Variants in KLF8 observed in about 807,000 individuals in gnomAD.
KLF8 encodes KLF transcription factor 8.
KLF8 carries 10 observed loss-of-function variants against 18.2 expected under a neutral mutation model. That is an observed-to-expected ratio of 0.55 (90% CI 0.34 to 0.93). KLF8 has a LOEUF of 0.93. KLF8 is among the 40% of genes least tolerant of loss of function. The probability of loss-of-function intolerance (pLI) is 0.02; values close to 1 mark genes in which losing one functional copy is unlikely to be tolerated. For synonymous variants in KLF8, 109 were observed against 97.3 expected (o/e 1.12, Z -0.71); for missense variants, 264 against 277.9 (o/e 0.95, Z 0.36).
At chrX:55,918,775 A>G in the KLF8 span, among the ~76,000 whole-genome samples, 5 of 110,660 alleles carry the variant, frequency 4.5e-5, no homozygotes, top group East Asian at 1.1e-3. Context: ...TTCACTTGTC[A>G]CTTTCCTCTT....
the KLF8 span, among the ~76,000 whole-genome samples, chrX:56,085,356 G>A: frequency 8.9e-6 from 1 of 112,160 alleles, no homozygotes; most frequent in African/African-American, 3.2e-5. Flanking sequence ...AGAAAATCCA[G>A]CAGTGTAGTT....
chrX:56,077,083 T>C, the KLF8 span, among the ~76,000 whole-genome samples: 1 of 111,680 alleles, frequency 9.0e-6, no homozygotes, highest in African/African-American at 3.3e-5. Flanking sequence ...TTCTCCCATT[T>C]TGTAGGTTGC....
At chrX:56,041,475 AT>A in the KLF8 span, among the ~76,000 whole-genome samples, 99 of 93,956 alleles carry the variant, frequency 1.1e-3, 2 homozygotes, top group Admixed American at 2.1e-3. Context: ...CAGTCTATCT[AT>A]TTTTTTTTTT....
chrX:55,950,021 G>C, the KLF8 span, among the ~76,000 whole-genome samples: 1 of 111,123 alleles, frequency 9.0e-6, no homozygotes, highest in Non-Finnish European at 1.9e-5. Context: ...CTCCAAACTG[G>C]AGTATTAAAG....
intron 5 of KLF8, among the ~76,000 whole-genome samples, chrX:56,272,908 G>A (rs2067075275): frequency 9.0e-6 from 1 of 111,081 alleles, no homozygotes; most frequent in Non-Finnish European, 1.9e-5. Flanking sequence ...AGGCCCTACA[G>A]GATCTTGCCT....
the KLF8 span, among the ~76,000 whole-genome samples, chrX:55,993,910 GTT>G: frequency 1.1e-3 from 103 of 90,006 alleles, 1 homozygote; most frequent in Middle Eastern, 5.3e-3. Flanking sequence ...GTTTATAGAG[GTT>G]TTTTTTTTTT....
At chrX:56,022,998 C>A in the KLF8 span, among the ~76,000 whole-genome samples, 319 of 111,366 alleles carry the variant, frequency 2.9e-3, no homozygotes, top group African/African-American at 9.9e-3. Flanking sequence ...TTGGTGCAAA[C>A]ATTAGGTTAA....
the KLF8 span, among the ~76,000 whole-genome samples, chrX:56,207,087 C>A: frequency 8.9e-6 from 1 of 112,564 alleles, no homozygotes; most frequent in African/African-American, 3.2e-5. Flanking sequence ...CACAATGCAT[C>A]AAGTCCCGAG....
the KLF8 span, among the ~76,000 whole-genome samples, chrX:56,079,762 A>C: frequency 9.1e-6 from 1 of 109,900 alleles, no homozygotes; most frequent in Non-Finnish European, 1.9e-5. Context: ...AAAGTCTCCC[A>C]TTATTAATGT....
At chrX:56,022,504 G>C in the KLF8 span, among the ~76,000 whole-genome samples, 2 of 90,386 alleles carry the variant, frequency 2.2e-5, no homozygotes, top group Non-Finnish European at 4.1e-5. Context: ...AGCCGAGATC[G>C]CGCCACTACA....
At chrX:56,121,030 CA>C in the KLF8 span, among the ~76,000 whole-genome samples, 1 of 109,490 alleles carries the variant, frequency 9.1e-6, no homozygotes, top group African/African-American at 3.3e-5. Context: ...ACTGAAAATA[CA>C]AAAAATTAGC....
At chrX:56,012,376 C>T in the KLF8 span, among the ~76,000 whole-genome samples, 1 of 111,577 alleles carries the variant, frequency 9.0e-6, no homozygotes, top group Non-Finnish European at 1.9e-5. Flanking sequence ...GCAGAAAGGG[C>T]CTTTGATAAA....
chrX:56,138,031 G>T, the KLF8 span, among the ~76,000 whole-genome samples: 2 of 49,073 alleles, frequency 4.1e-5, no homozygotes, highest in Non-Finnish European at 7.2e-5. Flanking sequence ...CATTACCACT[G>T]ACCCCACAGA....
the KLF8 span, among the ~76,000 whole-genome samples, chrX:56,121,083 G>A: frequency 9.3e-6 from 1 of 107,321 alleles, no homozygotes; most frequent in Non-Finnish European, 1.9e-5. Flanking sequence ...CTATTCGGGA[G>A]GCTGAGGCAG....
the KLF8 span, among the ~76,000 whole-genome samples, chrX:56,062,989 C>T: frequency 9.0e-6 from 1 of 110,590 alleles, no homozygotes; most frequent in African/African-American, 3.3e-5. Context: ...TCACGAAGTT[C>T]TCGTGCTGTG....
At chrX:55,971,784 A>G in the KLF8 span, among the ~76,000 whole-genome samples, 1 of 111,567 alleles carries the variant, frequency 9.0e-6, no homozygotes, top group Admixed American at 9.5e-5. Context: ...AAGACATACA[A>G]ATGACAGACA....
the KLF8 span, among the ~76,000 whole-genome samples, chrX:56,075,104 T>C: frequency 9.0e-6 from 1 of 110,787 alleles, no homozygotes; most frequent in Admixed American, 9.7e-5. Flanking sequence ...TTCTTTAATT[T>C]TTTCAACAAT....
the KLF8 span, among the ~76,000 whole-genome samples, chrX:56,043,994 T>C: frequency 9.0e-6 from 1 of 111,019 alleles, no homozygotes; most frequent in Non-Finnish European, 1.9e-5. Context: ...TGTGGGTTCT[T>C]TTTTGTTGAT....
chrX:56,125,910 G>C, the KLF8 span, among the ~76,000 whole-genome samples: 1 of 111,938 alleles, frequency 8.9e-6, no homozygotes, highest in Admixed American at 9.5e-5. Flanking sequence ...GATGAGATGA[G>C]AGTATGCATA....
Sources: allele counts gnomAD v4.1 joint callset (sites outside exome capture counted in the v4.1 genomes callset), GRCh38; gene constraint gnomAD v4.1.1; transcripts MANE v1.5; gene names NCBI Gene and HGNC (gene_info 2026-07-23, HGNC 2026-07-21).